RNF13: variants seen among roughly 807,000 people sequenced by gnomAD.
RNF13 encodes E3 ubiquitin-protein ligase RNF13.
In RNF13, 19 loss-of-function variants were observed where a neutral mutation model predicts 37.7. The ratio of observed to expected loss-of-function variants is 0.50; its 90% CI spans 0.35 to 0.74. The LOEUF is 0.74. Ranked by LOEUF, RNF13 falls within the 30% of genes least tolerant of loss-of-function variation. The pLI is 0.01. For missense variants in RNF13, 375 were observed against 453.0 expected, an observed-to-expected ratio of 0.83 and a Z score of 1.56; for synonymous variants, 144 against 157.8, an observed-to-expected ratio of 0.91 and a Z score of 0.65.
chr3:149,831,372 G>T (rs1721033746), intron 1 of RNF13, among the ~76,000 whole-genome samples: 1 of 152,210 alleles, frequency 6.6e-6, no homozygotes, highest in Non-Finnish European at 1.5e-5. Flanking sequence ...AAGTCTGCGG[G>T]AGCCCACCTC....
At chr3:149,953,196 A>G (rs1195049554) in intron 8 of RNF13, among the ~76,000 whole-genome samples, 2 of 152,170 alleles carry the variant, frequency 1.3e-5, no homozygotes, top group African/African-American at 4.8e-5. Flanking sequence ...TTTAACTTAA[A>G]TGGATTTATT....
At chr3:149,941,707 A>AT (rs902738834) in intron 8 of RNF13, among the ~76,000 whole-genome samples, 6 of 150,960 alleles carry the variant, frequency 4.0e-5, no homozygotes, top group Non-Finnish European at 8.9e-5. Context: ...CCATTTGTCT[A>AT]TTTTTTTCTT....
At chr3:149,848,823 A>G (rs1195732767) in intron 2 of RNF13, among the ~76,000 whole-genome samples, 4 of 152,128 alleles carry the variant, frequency 2.6e-5, no homozygotes, top group Non-Finnish European at 5.9e-5. Flanking sequence ...CTAAGAGGCT[A>G]TGGAGATGCT....
At chr3:149,930,659 G>A (rs1389400529) in intron 8 of RNF13, among the ~76,000 whole-genome samples, 1 of 152,120 alleles carries the variant, frequency 6.6e-6, no homozygotes, top group African/African-American at 2.4e-5. Context: ...CTGAGTGTTT[G>A]GTAGAATTCA....
At chr3:149,862,043 G>T (rs1724311169) in intron 3 of RNF13, among the ~76,000 whole-genome samples, 1 of 152,018 alleles carries the variant, frequency 6.6e-6, no homozygotes, top group South Asian at 2.1e-4. Flanking sequence ...TTCATTTTAT[G>T]CACTTATATG....
intron 5 of RNF13, among the ~76,000 whole-genome samples, chr3:149,900,224 G>A (rs570911058): frequency 5.3e-5 from 8 of 152,232 alleles, no homozygotes; most frequent in African/African-American, 1.9e-4. Flanking sequence ...TTATTAGCCA[G>A]TAGTTACAAA....
At chr3:149,829,920 A>G (rs990537313) in intron 1 of RNF13, among the ~76,000 whole-genome samples, 1 of 152,072 alleles carries the variant, frequency 6.6e-6, no homozygotes, top group African/African-American at 2.4e-5. Context: ...AGTAAGTCTC[A>G]TGTGAACTGA....
At chr3:149,815,313 A>G (rs1342583759) in intron 1 of RNF13, among the ~76,000 whole-genome samples, 1 of 152,172 alleles carries the variant, frequency 6.6e-6, no homozygotes. Context: ...GCCATAAGAG[A>G]TGTATGAAAT....
chr3:149,838,146 A>G (rs1049789402), intron 1 of RNF13, among the ~76,000 whole-genome samples: 3 of 152,098 alleles, frequency 2.0e-5, no homozygotes, highest in African/African-American at 2.4e-5. Context: ...GTAGGTTCCT[A>G]TGGTCTTGGG....
At chr3:149,866,430 G>A (rs1371438673) in intron 3 of RNF13, among the ~76,000 whole-genome samples, 1 of 152,202 alleles carries the variant, frequency 6.6e-6, no homozygotes, top group Non-Finnish European at 1.5e-5. Flanking sequence ...GTAGCAGTGA[G>A]GAAGACCAGA....
At chr3:149,840,559 T>C (rs1722077561) in intron 1 of RNF13, among the ~76,000 whole-genome samples, 1 of 152,224 alleles carries the variant, frequency 6.6e-6, no homozygotes, top group African/African-American at 2.4e-5. Context: ...ATGGATGTAT[T>C]CTATTTGCTG....
intron 8 of RNF13, among the ~76,000 whole-genome samples, chr3:149,922,354 T>G (rs1718225081): frequency 6.6e-6 from 1 of 152,202 alleles, no homozygotes; most frequent in African/African-American, 2.4e-5. Flanking sequence ...AAGTAGACTT[T>G]CAGTTAAGAA....
At chr3:149,857,739 A>G (rs563641374) in intron 3 of RNF13, among the ~76,000 whole-genome samples, 2 of 152,296 alleles carry the variant, frequency 1.3e-5, no homozygotes, top group South Asian at 2.1e-4. Context: ...CCCCCACTCT[A>G]TGCTTAGGAG....
chr3:149,852,796 G>C (rs1723233160), intron 3 of RNF13, among the ~76,000 whole-genome samples, 200 bp downstream of exon 3: 1 of 151,900 alleles, frequency 6.6e-6, no homozygotes, highest in Non-Finnish European at 1.5e-5. Flanking sequence ...TTCTGAACTA[G>C]CTGTGTTTAA....
chr3:149,853,919 G>A (rs1445551880), intron 3 of RNF13, among the ~76,000 whole-genome samples: 1 of 146,082 alleles, frequency 6.8e-6, no homozygotes, highest in Non-Finnish European at 1.5e-5. Flanking sequence ...TCACTGCAAC[G>A]TCCGCCTTCT....
chr3:149,851,435 G>A (rs370815141), intron 2 of RNF13: 2 of 152,254 alleles, frequency 1.3e-5, no homozygotes, highest in East Asian at 1.9e-4. Context: ...CTAGGATAGC[G>A]TTAACCAATG....
intron 3 of RNF13, among the ~76,000 whole-genome samples, chr3:149,855,367 T>A (rs146045299): frequency 2.6e-5 from 4 of 151,426 alleles, no homozygotes; most frequent in Non-Finnish European, 5.9e-5. Context: ...TTCCCCTACT[T>A]CTTCTGTTTT....
At position 149,957,740 on chromosome 3, in the gene RNF13, C is replaced by G. The variant is rs551461998; in HGVS notation, c.701-2316C>G. On this transcript the variant is annotated intron_variant, in intron 8 of 9. Coordinates refer to ENST00000392894, the MANE Select transcript of RNF13 (RefSeq NM_183381.3). ...GTAAATTACTCTACTTGCATTATCT[C>G]TTTTAATCTTCACAACAACCCTAAT... Among the ~76,000 whole-genome samples, 276 of 152,294 alleles carry G rather than the reference C, an allele frequency of 1.8e-3. 1 individual carries two copies. The highest frequency in any genetic ancestry group is 6.3e-3 in the African/African-American group (260 of 41,568).
intron 1 of RNF13, among the ~76,000 whole-genome samples, chr3:149,813,596 G>A (rs1719126048): frequency 6.6e-6 from 1 of 152,312 alleles, no homozygotes; most frequent in South Asian, 2.1e-4. Context: ...CCAAAGTTGA[G>A]TTACCGGTTT....
Sources: allele counts gnomAD v4.1 joint callset (sites outside exome capture counted in the v4.1 genomes callset), GRCh38; gene constraint gnomAD v4.1.1; transcripts MANE v1.5; gene names NCBI Gene and HGNC (gene_info 2026-07-23, HGNC 2026-07-21).